The following PCDHGB3 variants were observed in gnomAD, a reference collection of about 807,000 sequenced individuals.
PCDHGB3 encodes protocadherin gamma subfamily B, 3, also known as protocadherin gamma-B3.
A neutral mutation model predicts 59.2 loss-of-function variants in PCDHGB3; 40 were observed. The ratio of observed to expected loss-of-function variants is 0.68; its 90% CI spans 0.52 to 0.88. The LOEUF (loss-of-function observed/expected upper bound fraction) is 0.88. Ranked by LOEUF, PCDHGB3 falls within the 40% of genes least tolerant of loss-of-function variation. The pLI is 0.00. For missense variants in PCDHGB3, 1,309 were observed against 1,187.9 expected (o/e 1.10, Z -1.50); for synonymous variants, 581 against 503.6 (o/e 1.15, Z -2.06).
chr5:141,383,147 G>C, intron 1 of PCDHGB3: 1 of 1,614,150 alleles, frequency 6.2e-7, no homozygotes, highest in South Asian at 1.1e-5. Flanking sequence ...CGCAGCGGCA[G>C]CTTGGTCACT....
intron 1 of PCDHGB3, chr5:141,374,380 C>T (rs1263045322): frequency 1.2e-6 from 2 of 1,613,894 alleles, no homozygotes; most frequent in Non-Finnish European, 1.7e-6. Context: ...GTGCTCAGAG[C>T]CCGCGGTGTC....
At position 141,371,642 on chromosome 5, in the gene PCDHGB3, A is replaced by G. The variant is rs774578258; in HGVS notation, c.1248A>G (p.Pro416=). 5.0e-6 allele frequency: 8 copies of G among 1,613,946 alleles called. No individual in the cohort carries two copies. In the Admixed American group the frequency reaches 5.0e-5, roughly 10 times the overall value. ...TDGALDREQI[P]EYNVTITATD... ...GAGCCCTGGACCGGGAGCAGATCCC[A>G]GAATACAATGTGACGATCACAGCTA... Residue 416 remains proline (P), a synonymous_variant, in exon 1 of 4, where the codon CCA becomes CCG. Coordinates refer to ENST00000576222, the MANE Select transcript of PCDHGB3 (RefSeq NM_018924.5).
In PCDHGB3 at chr5:141,413,613, TA is replaced by T. The variant is rs2095659138; in HGVS notation, c.2415+40806del. The T allele has an allele frequency of 4.3e-6, 7 of 1,613,714 alleles. No individual in the cohort carries two copies. The East Asian group carries it at 1.6e-4, about 36-fold the overall frequency. On this transcript the variant is annotated intron_variant, in intron 1 of 3. Transcript: ENST00000576222. Reference sequence around the variant, plus strand: ...AAGCAGAAAATCTAGACGTAAAAATTAATGAAAATGTCGCTGCGGGAATGCG... The same window carrying T: ...AAGCAGAAAATCTAGACGTAAAAATTATGAAAATGTCGCTGCGGGAATGCG...
chr5:141,509,645 G>C (rs138497208), intron 3 of PCDHGB3, among the ~76,000 whole-genome samples: 8 of 152,338 alleles, frequency 5.3e-5, no homozygotes, highest in African/African-American at 1.9e-4. Context: ...GCCAGGGCCA[G>C]AGTGTGGACT....
intron 2 of PCDHGB3, among the ~76,000 whole-genome samples, chr5:141,497,132 G>T (rs2099774325): frequency 6.6e-6 from 1 of 152,046 alleles, no homozygotes; most frequent in Non-Finnish European, 1.5e-5. Context: ...GTTGCAGTGA[G>T]CTGAGATCAC....
chr5:141,383,512 G>A (rs755956919), intron 1 of PCDHGB3: 4 of 1,612,576 alleles, frequency 2.5e-6, no homozygotes, highest in Non-Finnish European at 2.5e-6. Context: ...CCGGGAGGAA[G>A]AGCGGGTTCA....
chr5:141,381,186 GC>G (rs1489730819), intron 1 of PCDHGB3, among the ~76,000 whole-genome samples: 7 of 152,226 alleles, frequency 4.6e-5, no homozygotes, highest in Non-Finnish European at 7.3e-5. Flanking sequence ...ACGAAGTTAA[GC>G]TTTCTTAGTG....
intron 1 of PCDHGB3, chr5:141,414,582 C>T (rs2095761888): frequency 2.5e-6 from 4 of 1,613,862 alleles, no homozygotes; most frequent in Non-Finnish European, 3.4e-6. Flanking sequence ...CAGAGAACAA[C>T]GCCAGGGGTG....
chr5:141,406,434 A>G (rs1203599965), intron 1 of PCDHGB3, among the ~76,000 whole-genome samples: 1 of 152,238 alleles, frequency 6.6e-6, no homozygotes, highest in Non-Finnish European at 1.5e-5. Context: ...TATTGCTTCT[A>G]TTCTTCCATT....
In PCDHGB3 at chr5:141,372,357, T is replaced by C. The variant is rs756040915; in HGVS notation, c.1963T>C (p.Ser655Pro). 1.2e-5 allele frequency: 19 copies of C among 1,613,806 alleles called. No individual in the cohort carries two copies. The highest frequency in any genetic ancestry group is 1.4e-5 in the Non-Finnish European group (17 of 1,179,898). Reference sequence around the variant, plus strand: ...GCGTGATGGAGGACAGCAGCCTCTTTCAGCCACCGTCATGCTGCACCTAAT... The same window carrying C: ...GCGTGATGGAGGACAGCAGCCTCTTCCAGCCACCGTCATGCTGCACCTAAT... ...TVRDGGQQPL[S>P]ATVMLHLIFA... The change falls in exon 1 of 4, where the codon TCA (serine) becomes CCA (proline). Residue 655 changes from serine (S) to proline (P), a missense_variant. Physicochemically the swap from Ser to Pro is moderately conservative, Grantham distance 74. Transcript: ENST00000576222.
chr5:141,501,327 AC>A (rs1208116606), intron 2 of PCDHGB3, among the ~76,000 whole-genome samples: 2 of 151,364 alleles, frequency 1.3e-5, no homozygotes, highest in Non-Finnish European at 2.9e-5. Context: ...ACACACACAC[AC>A]ACACACCCCA....
chr5:141,461,921 T>G (rs2099026403), intron 1 of PCDHGB3, among the ~76,000 whole-genome samples: 1 of 152,222 alleles, frequency 6.6e-6, no homozygotes, highest in Non-Finnish European at 1.5e-5. Flanking sequence ...CCTCCTGGGT[T>G]CCAGCAATTC....
intron 1 of PCDHGB3, chr5:141,441,945 G>A: frequency 3.0e-6 from 1 of 333,884 alleles, no homozygotes; most frequent in Non-Finnish European, 5.8e-6. Flanking sequence ...ACCACGTGCT[G>A]CAGGCCAGCA....
chr5:141,468,651 G>C (rs2099171216), intron 1 of PCDHGB3: 1 of 152,018 alleles, frequency 6.6e-6, no homozygotes, highest in African/African-American at 2.4e-5. Context: ...CGGATCACAA[G>C]GTCAGGAGAT....
chr5:141,388,892 A>G (rs1370408221), intron 1 of PCDHGB3: 1 of 1,613,996 alleles, frequency 6.2e-7, no homozygotes, highest in Non-Finnish European at 8.5e-7. Context: ...TAGAAGTCAT[A>G]GATGAAAATG....
At chr5:141,448,748 G>A (rs1476665217) in intron 1 of PCDHGB3, among the ~76,000 whole-genome samples, 1 of 151,980 alleles carries the variant, frequency 6.6e-6, no homozygotes, top group Admixed American at 6.6e-5. Context: ...AGACCATCCT[G>A]GCTAACACGG....
chr5:141,400,571 C>T (rs781701893), intron 1 of PCDHGB3: 1 of 1,612,704 alleles, frequency 6.2e-7, no homozygotes, highest in South Asian at 1.1e-5. Context: ...ACCCAATTTT[C>T]TGTATTTACA....
At chr5:141,419,084 G>A in intron 1 of PCDHGB3, 2 of 1,613,920 alleles carry the variant, frequency 1.2e-6, no homozygotes, top group Non-Finnish European at 1.7e-6. Flanking sequence ...AACAGATGAG[G>A]CCCTGGATCG....
intron 1 of PCDHGB3, chr5:141,403,476 A>T: frequency 6.2e-7 from 1 of 1,613,972 alleles, no homozygotes; most frequent in Non-Finnish European, 8.5e-7. Flanking sequence ...CTCAGCCCCA[A>T]TCACCACTTC....
Sources: allele counts gnomAD v4.1 joint callset (sites outside exome capture counted in the v4.1 genomes callset), GRCh38; gene constraint gnomAD v4.1.1; transcripts MANE v1.5; gene names NCBI Gene and HGNC (gene_info 2026-07-23, HGNC 2026-07-21).